The following SPOCK3 variants were observed in gnomAD, a reference collection of about 807,000 sequenced individuals.
SPOCK3 encodes SPARC (osteonectin), cwcv and kazal like domains proteoglycan 3.
In SPOCK3, 30 loss-of-function variants were observed where a neutral mutation model predicts 56.6. The ratio of observed to expected loss-of-function variants is 0.53; its 90% CI spans 0.40 to 0.72. The LOEUF is 0.72. Ranked by LOEUF, SPOCK3 falls within the 30% of genes least tolerant of loss-of-function variation. The pLI is 0.00. For synonymous variants in SPOCK3, 196 were observed against 183.3 expected (o/e 1.07, Z -0.56); for missense variants, 527 against 530.0 (o/e 0.99, Z 0.06).
At chr4:166,818,780 G>A (rs72984082) in intron 6 of SPOCK3, among the ~76,000 whole-genome samples, 1,978 of 151,984 alleles carry the variant, frequency 0.013, 51 homozygotes, top group African/African-American at 0.044. Context: ...CTTAGTTTAA[G>A]TCTTATTGCA....
At chr4:167,058,924 G>A (rs1211607347) in intron 3 of SPOCK3, among the ~76,000 whole-genome samples, 1 of 152,130 alleles carries the variant, frequency 6.6e-6, no homozygotes, top group African/African-American at 2.4e-5. Flanking sequence ...TTAATAAATG[G>A]TGCTGGGAAA....
At chr4:166,899,737 G>A (rs550106495) in intron 5 of SPOCK3, among the ~76,000 whole-genome samples, 34 of 151,756 alleles carry the variant, frequency 2.2e-4, no homozygotes, top group African/African-American at 7.2e-4. Flanking sequence ...GGCTAGTCTC[G>A]AACTCCTAAC....
intron 5 of SPOCK3, among the ~76,000 whole-genome samples, chr4:166,895,864 TAA>T (rs1331174871): frequency 6.6e-6 from 1 of 152,104 alleles, no homozygotes; most frequent in Non-Finnish European, 1.5e-5. Flanking sequence ...TACAAACACA[TAA>T]AACATAGTGT....
Position 167,193,499 on chromosome 4 carries a change from AGTTT to A in SPOCK3, c.189+40482_189+40485del, listed in dbSNP as rs1040834888. Among the ~76,000 whole-genome samples the A allele has an allele frequency of 5.5e-4, 80 of 145,972 alleles. 13 individuals carry two copies. Among genetic ancestry groups the A allele is most frequent in the African/African-American group, 1.7e-3 (66 of 38,192 alleles). ...TTAATAAATTATCATAGCTATAGTT[AGTTT>A]AATACTTTTGCCTTTTAACTTTTTA... On this transcript the variant is annotated intron_variant, in intron 2 of 10. Transcript: ENST00000357545.
chr4:166,838,844 T>C (rs964877793), intron 6 of SPOCK3, among the ~76,000 whole-genome samples: 1 of 149,700 alleles, frequency 6.7e-6, no homozygotes, highest in Non-Finnish European at 1.5e-5. Flanking sequence ...ACACCTGTAA[T>C]CCAGCTACCT....
At chr4:166,976,315 A>G (rs921431318) in intron 4 of SPOCK3, among the ~76,000 whole-genome samples, 4 of 152,054 alleles carry the variant, frequency 2.6e-5, no homozygotes, top group Non-Finnish European at 5.9e-5. Flanking sequence ...TTCTTTTTTT[A>G]CTTCCTGCAC....
rs571205448 is a variant in SPOCK3 at position 166,864,780 on chromosome 4, G to A, written c.589+24350C>T. 2.5e-3 allele frequency among the ~76,000 whole-genome samples: 385 copies of A among 152,092 alleles called. 3 individuals carry two copies. The highest frequency in any genetic ancestry group is 8.9e-3 in the African/African-American group (369 of 41,508). ...ACCAATAACAAGTTCTGAAATTGAG[G>A]CAGTAATTAATAGCCTACCAACAAA... On this transcript the variant is annotated intron_variant, in intron 6 of 10. Coordinates refer to ENST00000357545, the MANE Select transcript of SPOCK3 (RefSeq NM_001040159.2).
chr4:166,766,822 C>A (rs1164674700), intron 7 of SPOCK3, among the ~76,000 whole-genome samples: 4 of 152,084 alleles, frequency 2.6e-5, no homozygotes, highest in Non-Finnish European at 5.9e-5. Context: ...TGGTCCTGGA[C>A]TTTTTTTGGT....
At chr4:166,854,033 T>C (rs1279991604) in intron 6 of SPOCK3, among the ~76,000 whole-genome samples, 3 of 152,230 alleles carry the variant, frequency 2.0e-5, no homozygotes, top group Non-Finnish European at 4.4e-5. Flanking sequence ...TCTGATATTC[T>C]ATGATTTTTA....
At chr4:166,879,439 G>A (rs1733463661) in intron 6 of SPOCK3, among the ~76,000 whole-genome samples, 1 of 152,100 alleles carries the variant, frequency 6.6e-6, no homozygotes, top group Admixed American at 6.5e-5. Flanking sequence ...AGGAGGCTGA[G>A]GTGGGAGGAT....
intron 7 of SPOCK3, among the ~76,000 whole-genome samples, chr4:166,771,414 C>T (rs1738913328): frequency 6.6e-6 from 1 of 151,850 alleles, no homozygotes; most frequent in Admixed American, 6.6e-5. Flanking sequence ...TGAAGAATCC[C>T]CACATTGTCT....
At chr4:167,063,246 A>G (rs1367982105) in intron 2 of SPOCK3, among the ~76,000 whole-genome samples, 1 of 151,902 alleles carries the variant, frequency 6.6e-6, no homozygotes, top group African/African-American at 2.4e-5. Flanking sequence ...ACGTATACTG[A>G]AAAGAATTTT....
intron 3 of SPOCK3, among the ~76,000 whole-genome samples, chr4:167,000,782 A>ATAAAGT (rs147491698): frequency 0.016 from 2,507 of 152,306 alleles, 61 homozygotes; most frequent in African/African-American, 0.056. Context: ...AGGTGGTGAA[A>ATAAAGT]TAGAGTATGT....
intron 2 of SPOCK3, among the ~76,000 whole-genome samples, chr4:167,217,991 T>C (rs1417264715): frequency 2.6e-5 from 4 of 151,770 alleles, no homozygotes; most frequent in East Asian, 1.9e-4. Flanking sequence ...CATCACAGTA[T>C]AGTCCAAAAA....
At chr4:166,997,158 C>T (rs1748467279) in intron 4 of SPOCK3, among the ~76,000 whole-genome samples, 1 of 151,542 alleles carries the variant, frequency 6.6e-6, no homozygotes, top group African/African-American at 2.4e-5. Context: ...TGTGGCCTGT[C>T]GGTGGGGGTT....
intron 2 of SPOCK3, among the ~76,000 whole-genome samples, chr4:167,100,472 C>T (rs974142443): frequency 2.7e-5 from 4 of 148,100 alleles, no homozygotes; most frequent in African/African-American, 5.0e-5. Flanking sequence ...CACACACACC[C>T]ACATTCTCTC....
At chr4:167,128,182 A>G (rs1762438170) in intron 2 of SPOCK3, among the ~76,000 whole-genome samples, 1 of 152,156 alleles carries the variant, frequency 6.6e-6, no homozygotes, top group South Asian at 2.1e-4. Flanking sequence ...TTTTCCCCGA[A>G]TACTCAAGCA....
intron 2 of SPOCK3, among the ~76,000 whole-genome samples, chr4:167,213,868 T>C (rs988079004): frequency 1.3e-5 from 2 of 152,212 alleles, no homozygotes; most frequent in African/African-American, 4.8e-5. Context: ...CCATAAAAAA[T>C]TGTAAACGTC....
At chr4:167,171,286 G>A (rs1730477368) in intron 2 of SPOCK3, among the ~76,000 whole-genome samples, 3 of 152,128 alleles carry the variant, frequency 2.0e-5, no homozygotes, top group Admixed American at 2.0e-4. Flanking sequence ...CTGAAATTAT[G>A]CAGTTTTGTT....
Sources: gnomAD v4.1 joint callset for allele counts (sites outside exome capture counted in the v4.1 genomes callset) on GRCh38, gnomAD v4.1.1 for gene constraint, MANE v1.5 for transcripts, NCBI Gene and HGNC (gene_info 2026-07-23, HGNC 2026-07-21) for gene names.